CNTLN: variants seen among roughly 807,000 people sequenced by gnomAD.
The protein encoded by CNTLN is centlein, centrosomal protein.
Under a neutral mutation model 180.0 loss-of-function variants are expected in CNTLN, and 212 were observed. The observed-to-expected ratio is 1.18, with a 90% CI of 1.05 to 1.32. CNTLN has a LOEUF of 1.32. Ranked by LOEUF, CNTLN falls within the 40% of genes most tolerant of loss-of-function variation. CNTLN has a pLI of 0.00. For missense variants in CNTLN, 2,095 were observed against 1,610.9 expected (o/e 1.30, Z -5.14); for synonymous variants, 722 against 563.1 (o/e 1.28, Z -3.99).
At chr9:17,215,617 T>G (rs1174274125) in intron 2 of CNTLN, among the ~76,000 whole-genome samples, 1 of 152,190 alleles carries the variant, frequency 6.6e-6, no homozygotes, top group African/African-American at 2.4e-5. Context: ...AGATTTCTGC[T>G]GCCTTTTGTT....
At position 17,418,712 on chromosome 9, in the gene CNTLN, ATCAG is replaced by A. The variant is rs1387785559; in HGVS notation, c.3114+2524_3114+2527del. 2.0e-5 allele frequency among the ~76,000 whole-genome samples: 3 copies of A among 152,162 alleles called. No homozygotes were observed. In the East Asian group the frequency reaches 5.8e-4, roughly 29 times the overall value. ...CATTTTTTTTATTCTAAAGTATTGA[ATCAG>A]GCATCAGTAGGTTTTGAACTTATAG... On this transcript the variant is annotated intron_variant, in intron 18 of 25. Coordinates refer to ENST00000380647, the MANE Select transcript of CNTLN (RefSeq NM_017738.4).
intron 5 of CNTLN, among the ~76,000 whole-genome samples, chr9:17,252,756 A>G (rs75045157): frequency 0.024 from 3,642 of 151,688 alleles, 179 homozygotes; most frequent in African/African-American, 0.084. Context: ...GCTGTGCAGA[A>G]GGTTTTTATT....
chr9:17,296,296 G>A (rs1817928659), intron 6 of CNTLN, among the ~76,000 whole-genome samples: 1 of 152,048 alleles, frequency 6.6e-6, no homozygotes, highest in African/African-American at 2.4e-5. Flanking sequence ...GGGATTACAG[G>A]TGTGAGCCAT....
intron 13 of CNTLN, among the ~76,000 whole-genome samples, chr9:17,384,794 TA>T (rs1366517249): frequency 1.3e-5 from 2 of 152,250 alleles, no homozygotes; most frequent in African/African-American, 4.8e-5. Flanking sequence ...GAGTTATTTT[TA>T]CTCACAATAC....
At chr9:17,369,948 C>G (rs987294712) in intron 13 of CNTLN, among the ~76,000 whole-genome samples, 1 of 150,270 alleles carries the variant, frequency 6.7e-6, no homozygotes, top group African/African-American at 2.5e-5. Context: ...GATCACGCCA[C>G]TGCACTCCAG....
At chr9:17,356,693 A>G (rs775211824) in intron 12 of CNTLN, among the ~76,000 whole-genome samples, 4 of 152,188 alleles carry the variant, frequency 2.6e-5, no homozygotes, top group South Asian at 2.1e-4. Flanking sequence ...GCTGGGCACT[A>G]TAAGTAAAAT....
intron 25 of CNTLN, among the ~76,000 whole-genome samples, chr9:17,496,641 T>C (rs1833471679): frequency 6.6e-6 from 1 of 152,220 alleles, no homozygotes; most frequent in Non-Finnish European, 1.5e-5. Flanking sequence ...AGCTTTCTTT[T>C]CCTGAACTCG....
At chr9:17,465,850 T>G (rs2134207777) in intron 21 of CNTLN, 131 bp from the exon 22 acceptor site, 2 of 694,228 alleles carry the variant, frequency 2.9e-6, no homozygotes, top group Middle Eastern at 8.5e-4. Context: ...GTATAATACT[T>G]GAATTTGATA....
At chr9:17,364,992 A>G (rs992977903) in intron 12 of CNTLN, among the ~76,000 whole-genome samples, 8 of 152,140 alleles carry the variant, frequency 5.3e-5, no homozygotes, top group African/African-American at 9.7e-5. Flanking sequence ...TCAGGTTTTC[A>G]TTCAGCAGAT....
intron 5 of CNTLN, among the ~76,000 whole-genome samples, chr9:17,265,201 T>C (rs1284278758): frequency 6.6e-6 from 1 of 150,702 alleles, no homozygotes; most frequent in African/African-American, 2.5e-5. Context: ...TCTTATTATT[T>C]TGAAATACGT....
chr9:17,263,612 T>G (rs10962968), intron 5 of CNTLN, among the ~76,000 whole-genome samples: 8 of 140,328 alleles, frequency 5.7e-5, no homozygotes, highest in African/African-American at 1.1e-4. Flanking sequence ...CCTGAGGAAT[T>G]GCCACACTGA....
rs551520196 is a variant in CNTLN, at chr9:17,298,330, C to A, written c.1124C>A (p.Ala375Asp). 2 of 1,611,684 alleles carry A rather than the reference C, an allele frequency of 1.2e-6. No individual in the cohort carries two copies. The highest frequency in any genetic ancestry group is 3.4e-5 in the Admixed American group (2 of 59,502). The part of the protein sequence containing the change: ...VLRNQEDVHT[A>D]ESISYQKLYN... Reference sequence around the variant, plus strand: ...AGAAATCAGGAAGATGTTCACACAGCTGAAAGTATATCATATCAAAAAGTA... The same window carrying A: ...AGAAATCAGGAAGATGTTCACACAGATGAAAGTATATCATATCAAAAAGTA... The change falls in exon 7 of 26, where the codon GCT (alanine) becomes GAT (aspartate). Residue 375 changes from alanine (A) to aspartate (D), a missense_variant. Transcript: ENST00000380647.
intron 5 of CNTLN, among the ~76,000 whole-genome samples, chr9:17,252,787 A>G (rs1041670826): frequency 2.0e-5 from 3 of 151,608 alleles, no homozygotes; most frequent in Middle Eastern, 3.4e-3. Context: ...CCATTTCTCT[A>G]TTTTTATTTT....
intron 2 of CNTLN, among the ~76,000 whole-genome samples, chr9:17,193,397 G>C (rs1233218342): frequency 6.6e-6 from 1 of 152,152 alleles, no homozygotes; most frequent in Non-Finnish European, 1.5e-5. Flanking sequence ...TACAATGGGG[G>C]TACAGGTATT....
chr9:17,351,763 T>TTGAC (rs1822385822), intron 12 of CNTLN, among the ~76,000 whole-genome samples: 1 of 152,208 alleles, frequency 6.6e-6, no homozygotes, highest in South Asian at 2.1e-4. Flanking sequence ...GTGCTGCAGA[T>TTGAC]TGACCTTTTA....
At chr9:17,425,096 A>G (rs1828989892) in intron 18 of CNTLN, among the ~76,000 whole-genome samples, 2 of 152,276 alleles carry the variant, frequency 1.3e-5, no homozygotes, top group South Asian at 2.1e-4. Flanking sequence ...TCATTCATTT[A>G]TATATGAATG....
intron 23 of CNTLN, among the ~76,000 whole-genome samples, chr9:17,472,891 G>A (rs1832108318): frequency 6.6e-6 from 1 of 151,874 alleles, no homozygotes; most frequent in African/African-American, 2.4e-5. Flanking sequence ...AAATTCACTG[G>A]CCTTACCACT....
chr9:17,172,509 G>A (rs1241325914), intron 2 of CNTLN, among the ~76,000 whole-genome samples: 1 of 152,076 alleles, frequency 6.6e-6, no homozygotes, highest in Non-Finnish European at 1.5e-5. Flanking sequence ...GGGCTATTTT[G>A]CTTATGGATA....
chr9:17,238,152 CTTA>C (rs1309084763), intron 5 of CNTLN, among the ~76,000 whole-genome samples: 1 of 151,982 alleles, frequency 6.6e-6, no homozygotes, highest in Non-Finnish European at 1.5e-5. Flanking sequence ...GCATTCATTA[CTTA>C]TTTTGGATAC....
Sources: gnomAD v4.1 joint callset for allele counts (sites outside exome capture counted in the v4.1 genomes callset) on GRCh38, gnomAD v4.1.1 for gene constraint, MANE v1.5 for transcripts, NCBI Gene and HGNC (gene_info 2026-07-23, HGNC 2026-07-21) for gene names.